The following NNT variants were observed in gnomAD, a reference collection of about 807,000 sequenced individuals.
The protein encoded by NNT is nicotinamide nucleotide transhydrogenase.
In NNT, 50 loss-of-function variants were observed where a neutral mutation model predicts 104.8. That is an observed-to-expected ratio of 0.48 (90% CI 0.38 to 0.60). The LOEUF is 0.60. NNT is among the 20% of genes least tolerant of loss of function. The pLI, the probability that NNT is intolerant of heterozygous loss-of-function variation, is 0.00. For missense variants in NNT, 1,131 were observed against 1,330.7 expected (o/e 0.85, Z 2.33); for synonymous variants, 461 against 490.4 (o/e 0.94, Z 0.79).
chr5:43,644,045 C>T, intron 7 of NNT, 147 bp from the exon 8 acceptor site: 1 of 690,736 alleles, frequency 1.4e-6, no homozygotes, highest in South Asian at 2.1e-5. Flanking sequence ...CCAGTCTCAC[C>T]CATGCTATGG....
At chr5:43,667,122 G>A in intron 17 of NNT, 1 of 1,510,996 alleles carries the variant, frequency 6.6e-7, no homozygotes, top group East Asian at 2.3e-5. Flanking sequence ...TCAGGAACTT[G>A]GGGTCCACCC....
chr5:43,683,656 T>A (rs1741834196), intron 19 of NNT, among the ~76,000 whole-genome samples: 1 of 152,238 alleles, frequency 6.6e-6, no homozygotes, highest in Non-Finnish European at 1.5e-5. Context: ...TAATTTTCAT[T>A]TTATTGAGCT....
chr5:43,691,670 A>G (rs1037687057), intron 19 of NNT, among the ~76,000 whole-genome samples: 29 of 152,234 alleles, frequency 1.9e-4, no homozygotes, highest in African/African-American at 6.0e-4. Flanking sequence ...TAATAATGCA[A>G]TGTGATACTT....
intron 2 of NNT, among the ~76,000 whole-genome samples, chr5:43,610,418 T>G (rs891421250): frequency 4.6e-5 from 7 of 152,070 alleles, no homozygotes; most frequent in Non-Finnish European, 7.4e-5. Context: ...GACATTTTGC[T>G]GTAAGGGAGA....
At chr5:43,657,667 A>G (rs892459998) in intron 16 of NNT, among the ~76,000 whole-genome samples, 2 of 152,262 alleles carry the variant, frequency 1.3e-5, no homozygotes, top group Non-Finnish European at 2.9e-5. Flanking sequence ...TGATTTTAAC[A>G]CAGAAATTTT....
At chr5:43,661,157 T>C (rs1740335298) in intron 17 of NNT, among the ~76,000 whole-genome samples, 1 of 152,170 alleles carries the variant, frequency 6.6e-6, no homozygotes, top group African/African-American at 2.4e-5. Context: ...CTGGGGAATT[T>C]GGAAAGGTGA....
intron 2 of NNT, among the ~76,000 whole-genome samples, chr5:43,610,355 G>A (rs1460759749): frequency 6.6e-6 from 1 of 152,034 alleles, no homozygotes; most frequent in East Asian, 1.9e-4. Flanking sequence ...CAGTACTTCT[G>A]TCACTTCACC....
intron 17 of NNT, among the ~76,000 whole-genome samples, chr5:43,675,265 T>TA (rs1307709693): frequency 7.9e-5 from 12 of 152,226 alleles, no homozygotes; most frequent in African/African-American, 2.9e-4. Flanking sequence ...CTATTTTTTT[T>TA]ACTGAAAATA....
chr5:43,652,022 A>G, intron 13 of NNT, 138 bp downstream of exon 13: 1 of 929,676 alleles, frequency 1.1e-6, no homozygotes. Context: ...CCCTAGAAAC[A>G]TCTTGGTCAA....
At position 43,609,328 on chromosome 5, in the gene NNT, A is replaced by G; in HGVS notation, c.133A>G (p.Lys45Glu). Residue 45 changes from lysine to glutamate, a missense_variant, in exon 2 of 22, where the codon AAA becomes GAA. Transcript: ENST00000344920. ...TFYTHQELWC[K>E]APVKPGIPYK... ...TTATACTCACCAAGAACTGTGGTGT[A>G]AAGCGCCTGTAAAACCAGGTAAAGT... 1 of 1,614,040 alleles carries G rather than the reference A, an allele frequency of 6.2e-7. No individual in the cohort carries two copies. The highest frequency in any genetic ancestry group is 1.7e-5 in the Admixed American group (1 of 60,018).
chr5:43,684,863 ATAAT>A, intron 19 of NNT, among the ~76,000 whole-genome samples: 1 of 152,334 alleles, frequency 6.6e-6, no homozygotes. Flanking sequence ...GGTGAAATGC[ATAAT>A]TAAATGTAAA....
chr5:43,697,866 A>G (rs1742638179), intron 19 of NNT, among the ~76,000 whole-genome samples: 1 of 152,218 alleles, frequency 6.6e-6, no homozygotes, highest in African/African-American at 2.4e-5. Context: ...CAGCATGGGA[A>G]AAGAGCTGCC....
chr5:43,644,595 A>T lies in NNT; in HGVS notation c.1099-16A>T, dbSNP rs1342828893. 1.9e-6 allele frequency: 3 copies of T among 1,591,876 alleles called. No individual in the cohort carries two copies. Among genetic ancestry groups the T allele is most frequent in the Admixed American group, 1.8e-5 (1 of 54,784 alleles). On this transcript the variant is annotated splice_polypyrimidine_tract_variant and intron_variant, in intron 8 of 21. Coordinates refer to ENST00000344920, the MANE Select transcript of NNT (RefSeq NM_182977.3). ...TAGGGTGATAGACCTTTTTGACTAT[A>T]ATTTTGTTCATTTAGGGAATTACTC...
In NNT at chr5:43,677,817, G is replaced by C; in HGVS notation, c.2876+11G>C. On this transcript the variant is annotated intron_variant, in intron 19 of 21. Coordinates refer to ENST00000344920, the MANE Select transcript of NNT (RefSeq NM_182977.3). ...AGGCAAAAAAGTCAGGTAAGCGTTT[G>C]CAGTGGAGAGGCTTGCACTATGTGT... The C allele has an allele frequency of 6.2e-7, 1 of 1,602,148 alleles. No individual in the cohort carries two copies. The highest frequency in any genetic ancestry group is 8.6e-7 in the Non-Finnish European group (1 of 1,169,212).
chr5:43,635,346 G>T (rs1224294547), intron 7 of NNT, among the ~76,000 whole-genome samples: 1 of 152,118 alleles, frequency 6.6e-6, no homozygotes, highest in African/African-American at 2.4e-5. Context: ...CTCTGGGACT[G>T]TCTCTATTTA....
intron 2 of NNT, among the ~76,000 whole-genome samples, chr5:43,611,276 C>T (rs1036515593): frequency 1.3e-5 from 2 of 152,140 alleles, no homozygotes; most frequent in Non-Finnish European, 2.9e-5. Flanking sequence ...TAACAACATT[C>T]TAGGTTTGGC....
chr5:43,649,671 C>T lies in NNT; in HGVS notation c.1606+363C>T, dbSNP rs75408584. ...AGCTGCAACATCCTATAGGGCTCTC[C>T]TTGGATTCAACTCAGCATTCAGCCT... On this transcript the variant is annotated intron_variant, in intron 11 of 21. Coordinates refer to ENST00000344920, the MANE Select transcript of NNT (RefSeq NM_182977.3). Among the ~76,000 whole-genome samples, 1,330 of 151,832 alleles carry T rather than the reference C, an allele frequency of 8.8e-3. 14 individuals are homozygous for T. The highest frequency in any genetic ancestry group is 0.03 in the African/African-American group (1,255 of 41,416).
intron 19 of NNT, among the ~76,000 whole-genome samples, chr5:43,686,241 T>C (rs1041247750): frequency 6.6e-6 from 1 of 151,210 alleles, no homozygotes; most frequent in Non-Finnish European, 1.5e-5. Context: ...CTGTTGAATT[T>C]TTTTTTTTTT....
chr5:43,695,710 C>A (rs1174723560), intron 19 of NNT, among the ~76,000 whole-genome samples: 2 of 152,178 alleles, frequency 1.3e-5, no homozygotes, highest in Non-Finnish European at 2.9e-5. Context: ...GGGCAATTCA[C>A]AAAAGAAGGA....
Sources: gnomAD v4.1 joint callset for allele counts (sites outside exome capture counted in the v4.1 genomes callset) on GRCh38, gnomAD v4.1.1 for gene constraint, MANE v1.5 for transcripts, NCBI Gene and HGNC (gene_info 2026-07-23, HGNC 2026-07-21) for gene names.